The following CAMTA1 variants were observed in gnomAD, a reference collection of about 807,000 sequenced individuals.
The protein encoded by CAMTA1 is calmodulin binding transcription activator 1.
Under a neutral mutation model 170.9 loss-of-function variants are expected in CAMTA1, and 27 were observed. The ratio of observed to expected loss-of-function variants is 0.16; its 90% CI spans 0.12 to 0.22. The LOEUF (loss-of-function observed/expected upper bound fraction) is 0.22. Among genes scored for constraint, CAMTA1 ranks in the 10% least tolerant of loss-of-function variants. CAMTA1 has a pLI of 1.00. For synonymous variants in CAMTA1, 833 were observed against 891.5 expected (o/e 0.93, Z 1.17); for missense variants, 1,619 against 2,217.2 (o/e 0.73, Z 5.42).
chr1:7,655,039 C>A, intron 7 of CAMTA1, among the ~76,000 whole-genome samples: 1 of 147,746 alleles, frequency 6.8e-6, no homozygotes, highest in East Asian at 2.0e-4. Context: ...AACACACCCA[C>A]CTATACACAC....
In CAMTA1 at chr1:7,737,585, T is replaced by C. The variant is rs780504446; in HGVS notation, c.3658+15T>C. ...CACCAACCCAGGTAAGAATTCAGAATCATGACATCTCAGAGCTTGACAGAG... is the reference window on the plus strand; with the variant it reads ...CACCAACCCAGGTAAGAATTCAGAACCATGACATCTCAGAGCTTGACAGAG... On this transcript the variant is annotated intron_variant, in intron 15 of 22. Transcript: ENST00000303635. 3.8e-6 allele frequency: 6 copies of C among 1,588,688 alleles called. No homozygotes were observed. The Admixed American group carries it at 8.7e-5, about 23-fold the overall frequency.
chr1:6,895,464 G>T lies in CAMTA1; in HGVS notation c.234+70254G>T, dbSNP rs74051038. On this transcript the variant is annotated intron_variant, in intron 3 of 22. Coordinates refer to ENST00000303635, the MANE Select transcript of CAMTA1 (RefSeq NM_015215.4). ...TTCATGTCTCCAGTTTGCTCCCCTT[G>T]GAATAGATTCCCCATGCACTAGCCA... is the stretch of plus-strand genomic sequence containing the variant. Among the ~76,000 whole-genome samples the T allele has an allele frequency of 2.5e-3, 374 of 152,234 alleles. 1 individual carries two copies. Among genetic ancestry groups the T allele is most frequent in the African/African-American group, 8.7e-3 (363 of 41,530 alleles).
chr1:7,259,911 A>G (rs1442687406), intron 5 of CAMTA1, among the ~76,000 whole-genome samples: 6 of 152,228 alleles, frequency 3.9e-5, no homozygotes, highest in Non-Finnish European at 7.3e-5. Flanking sequence ...GTTCACTGCT[A>G]TAGCCCAGTG....
At position 6,940,478 on chromosome 1, in the gene CAMTA1, A is replaced by G. The variant is rs143783301; in HGVS notation, c.234+115268A>G. ...TACTCACCTACTGATTCAAAGCCTAATCTCATCCAGAGACACTCCCACAGA... is the reference window on the plus strand; with the variant it reads ...TACTCACCTACTGATTCAAAGCCTAGTCTCATCCAGAGACACTCCCACAGA... On this transcript the variant is annotated intron_variant, in intron 3 of 22. Coordinates refer to ENST00000303635, the MANE Select transcript of CAMTA1 (RefSeq NM_015215.4). Among the ~76,000 whole-genome samples the G allele has an allele frequency of 1.4e-3, 212 of 152,298 alleles. 1 individual carries two copies. The highest frequency in any genetic ancestry group is 2.5e-3 in the Non-Finnish European group (167 of 68,032).
chr1:7,206,131 G>A (rs752681916), intron 4 of CAMTA1, among the ~76,000 whole-genome samples: 2 of 152,062 alleles, frequency 1.3e-5, no homozygotes, highest in Non-Finnish European at 2.9e-5. Flanking sequence ...GTCTGGTAGG[G>A]CTTATGTTCC....
In CAMTA1 at chr1:7,234,534, C is replaced by T. The variant is rs1391964300; in HGVS notation, c.303-14957C>T. On this transcript the variant is annotated intron_variant, in intron 4 of 22. Transcript: ENST00000303635. This position sits in a 1 kb window ranked among gnomAD's most constrained non-coding sequence, Gnocchi z 5.0. ...ACCCTCAGCACCCGGCGTGAATGCT[C>T]AGCCGTGATAGCTGCTCAGTAAATA... Among the ~76,000 whole-genome samples, 2 of 152,238 alleles carry T rather than the reference C, an allele frequency of 1.3e-5. No individual in the cohort carries two copies. The highest frequency in any genetic ancestry group is 2.4e-5 in the African/African-American group (1 of 41,462).
intron 6 of CAMTA1, among the ~76,000 whole-genome samples, chr1:7,542,646 TGCCTCCTGAGTA>T (rs1311329600): frequency 6.8e-6 from 1 of 147,132 alleles, no homozygotes; most frequent in Non-Finnish European, 1.5e-5. Context: ...TACAGGTGTG[TGCCTCCTGAGTA>T]GCTGGGATTA....
chr1:6,952,505 A>G (rs764145199), intron 3 of CAMTA1, among the ~76,000 whole-genome samples: 1 of 150,478 alleles, frequency 6.6e-6, no homozygotes, highest in South Asian at 2.1e-4. Flanking sequence ...TTATTTAAAT[A>G]TGTATTATAT....
intron 5 of CAMTA1, among the ~76,000 whole-genome samples, chr1:7,404,517 TG>T (rs1293126881): frequency 1.3e-5 from 2 of 152,206 alleles, no homozygotes; most frequent in African/African-American, 2.4e-5. Flanking sequence ...ACAGAGCTGA[TG>T]GGAAATGTGA....
Position 7,007,094 on chromosome 1 carries a change from G to T in CAMTA1, c.235-84210G>T, listed in dbSNP as rs528766478. Among the ~76,000 whole-genome samples the T allele has an allele frequency of 6.6e-5, 10 of 152,186 alleles. No homozygotes were observed. The highest frequency in any genetic ancestry group is 2.2e-4 in the African/African-American group (9 of 41,514). ...CAGTTTGGCCACAGGTGTCCTGGTA[G>T]TCAGGGCCAAGGGGATGGATGATGG... is the stretch of plus-strand genomic sequence containing the variant. On this transcript the variant is annotated intron_variant, in intron 3 of 22. Transcript: ENST00000303635. The surrounding 1 kb of genome is among the most constrained non-coding windows in gnomAD (Gnocchi z 4.5).
At chr1:7,430,417 TG>T (rs2149357818) in intron 5 of CAMTA1, among the ~76,000 whole-genome samples, 1 of 151,846 alleles carries the variant, frequency 6.6e-6, no homozygotes, top group South Asian at 2.1e-4. Context: ...ATCAGGAGGA[TG>T]ATGATGATGG....
At chr1:7,166,217 C>T (rs1648390359) in intron 4 of CAMTA1, among the ~76,000 whole-genome samples, 2 of 152,104 alleles carry the variant, frequency 1.3e-5, no homozygotes, top group South Asian at 4.1e-4. Context: ...CAGGTGCCCA[C>T]CACCATGCCC....
chr1:7,564,376 G>A (rs926034181), intron 6 of CAMTA1, among the ~76,000 whole-genome samples: 2 of 152,244 alleles, frequency 1.3e-5, no homozygotes, highest in Non-Finnish European at 2.9e-5. Flanking sequence ...GAGGGACAGC[G>A]GTTATAGTGA....
chr1:7,365,948 A>G (rs1340274786), intron 5 of CAMTA1, among the ~76,000 whole-genome samples: 13 of 152,048 alleles, frequency 8.5e-5, no homozygotes, highest in Non-Finnish European at 1.5e-5. Flanking sequence ...TGAATCCCCA[A>G]CCTGGGGGTG....
intron 4 of CAMTA1, among the ~76,000 whole-genome samples, chr1:7,138,721 A>G (rs1353279837): frequency 6.6e-6 from 1 of 152,152 alleles, no homozygotes; most frequent in African/African-American, 2.4e-5. Context: ...TCTGCTGGGC[A>G]TGGTGGCTCA....
chr1:7,648,847 T>C (rs1474737224), intron 7 of CAMTA1, among the ~76,000 whole-genome samples: 1 of 152,156 alleles, frequency 6.6e-6, no homozygotes, highest in Non-Finnish European at 1.5e-5. Context: ...TGAAGCTAGG[T>C]TCTTGTGCTG....
intron 3 of CAMTA1, among the ~76,000 whole-genome samples, chr1:6,903,562 C>T (rs972538965): frequency 1.3e-5 from 2 of 152,170 alleles, no homozygotes; most frequent in East Asian, 1.9e-4. Context: ...TACTGAAGCA[C>T]GAGGAAAGAC....
At chr1:7,536,900 C>T (rs1274226997) in intron 6 of CAMTA1, among the ~76,000 whole-genome samples, 1 of 152,170 alleles carries the variant, frequency 6.6e-6, no homozygotes, top group African/African-American at 2.4e-5. Context: ...ACTCTGGTGG[C>T]TCCTGCCCCC....
Position 7,641,160 on chromosome 1 carries a change from G to T in CAMTA1, c.664+607G>T, listed in dbSNP as rs923578003. 6.6e-6 allele frequency among the ~76,000 whole-genome samples: 1 copy of T among 152,364 alleles called. No individual in the cohort carries two copies. Among genetic ancestry groups the T allele is most frequent in the Middle Eastern group, 3.4e-3 (1 of 294 alleles). On this transcript the variant is annotated intron_variant, in intron 7 of 22. Coordinates refer to ENST00000303635, the MANE Select transcript of CAMTA1 (RefSeq NM_015215.4). The surrounding 1 kb of genome is among the most constrained non-coding windows in gnomAD (Gnocchi z 4.5). ...GGGCTGCTCCGTACTTTGTTGCCGTGGCCACAGCTCCCGGCAGCCGCTGGC... is the reference window on the plus strand; with the variant it reads ...GGGCTGCTCCGTACTTTGTTGCCGTTGCCACAGCTCCCGGCAGCCGCTGGC...
Sources: gnomAD v4.1 joint callset for allele counts (sites outside exome capture counted in the v4.1 genomes callset) on GRCh38, gnomAD v4.1.1 for gene constraint, Gnocchi (gnomAD v3.1) non-coding constraint, MANE v1.5 for transcripts, NCBI Gene and HGNC (gene_info 2026-07-23, HGNC 2026-07-21) for gene names.